BAIAP2L1: variants seen among roughly 807,000 people sequenced by gnomAD.
BAIAP2L1 encodes BAR/IMD domain containing adaptor protein 2 like 1.
Under a neutral mutation model 66.3 loss-of-function variants are expected in BAIAP2L1, and 35 were observed. That is an observed-to-expected ratio of 0.53 (90% CI 0.40 to 0.70). The LOEUF (loss-of-function observed/expected upper bound fraction) is 0.70. Among genes scored for constraint, BAIAP2L1 ranks in the 30% least tolerant of loss-of-function variants. BAIAP2L1 has a pLI of 0.00. For missense variants in BAIAP2L1, 622 were observed against 656.9 expected, an observed-to-expected ratio of 0.95 and a Z score of 0.58; for synonymous variants, 269 against 248.7, an observed-to-expected ratio of 1.08 and a Z score of -0.77.
chr7:98,375,534 G>A lies in BAIAP2L1; in HGVS notation c.52-13102C>T, dbSNP rs1385634928. On this transcript the variant is annotated intron_variant, in intron 1 of 13. Transcript: ENST00000005260. ...GGAGGCCGAGGCTGGCAGATCACCT[G>A]AGGTAAGGAGTTCGAGACCAGCCTG... 3.3e-5 allele frequency among the ~76,000 whole-genome samples: 5 copies of A among 152,108 alleles called. No individual in the cohort carries two copies. In the East Asian group the frequency reaches 9.7e-4, roughly 29 times the overall value.
chr7:98,303,634 G>A (rs776189731), intron 12 of BAIAP2L1, among the ~76,000 whole-genome samples: 2 of 152,172 alleles, frequency 1.3e-5, no homozygotes, highest in Non-Finnish European at 2.9e-5. Flanking sequence ...GCCTCTGTGC[G>A]GTGGCGGGAA....
chr7:98,380,736 GT>G (rs11293027), intron 1 of BAIAP2L1, among the ~76,000 whole-genome samples: 60,222 of 115,048 alleles, frequency 0.52, 15,944 homozygotes, highest in Middle Eastern at 0.7. Flanking sequence ...TATCCGGTCC[GT>G]TTTTTTTTTT....
chr7:98,372,262 T>C (rs902345042), intron 1 of BAIAP2L1, among the ~76,000 whole-genome samples: 1 of 151,924 alleles, frequency 6.6e-6, no homozygotes. Flanking sequence ...AAAAATTAGC[T>C]GGGCATGGGG....
rs916300817 is a variant in BAIAP2L1, at chr7:98,292,527, G to T, written c.*994C>A. 31 of 1,055,152 alleles carry T rather than the reference G, an allele frequency of 2.9e-5. No homozygotes were observed. The highest frequency in any genetic ancestry group is 4.1e-5 in the Non-Finnish European group (29 of 709,580). 65.4% of individuals were successfully genotyped at this position (1,055,152 alleles called of 1,614,324 possible). On this transcript the variant is annotated 3_prime_UTR_variant, in exon 14 of 14. Transcript: ENST00000005260. ...GTCCAGATCCTTGGCAGCCAAAGAT[G>T]ATTTCCAGCCCCGGGCTCAGGGCAG... is the stretch of plus-strand genomic sequence containing the variant.
At chr7:98,364,592 C>A (rs1230282545) in intron 1 of BAIAP2L1, among the ~76,000 whole-genome samples, 1 of 152,140 alleles carries the variant, frequency 6.6e-6, no homozygotes, top group East Asian at 1.9e-4. Context: ...AGAGGTAAAT[C>A]TGAGTCCCCG....
intron 3 of BAIAP2L1, among the ~76,000 whole-genome samples, chr7:98,345,082 T>C (rs528495359): frequency 6.6e-6 from 1 of 152,226 alleles, no homozygotes; most frequent in Non-Finnish European, 1.5e-5. Flanking sequence ...GGAGGGCTGC[T>C]TGAGCCCAGG....
chr7:98,292,861 A>C lies in BAIAP2L1; in HGVS notation c.*660T>G, dbSNP rs999282897. On this transcript the variant is annotated 3_prime_UTR_variant, in exon 14 of 14. Transcript: ENST00000005260. ...CGTTGGCGACTCCTAACTACCAAGA[A>C]AAGGAGCTCTCGGAGGAGATTTCGT... The C allele has an allele frequency of 3.4e-6, 5 of 1,451,494 alleles. No individual in the cohort carries two copies. Among genetic ancestry groups the C allele is most frequent in the Non-Finnish European group, 4.5e-6 (5 of 1,101,900 alleles). The allele number at this position is 1,451,494 out of a possible 1,614,324, so 89.9% of individuals were successfully genotyped here. A position where few individuals can be genotyped will look rare whatever the true frequency, so the allele number is the denominator to read the frequency against.
intron 1 of BAIAP2L1, among the ~76,000 whole-genome samples, chr7:98,378,262 G>C (rs1159287824): frequency 1.3e-5 from 2 of 152,054 alleles, no homozygotes; most frequent in Non-Finnish European, 2.9e-5. Flanking sequence ...GGAGAGAAAT[G>C]ATGAAAGGTA....
rs181047690 is a variant in BAIAP2L1, at chr7:98,364,817, C to T, written c.52-2385G>A. On this transcript the variant is annotated intron_variant, in intron 1 of 13. Transcript: ENST00000005260. ...CTGGACAACATATCGAGACTCCCAT[C>T]GCTACAAAAAATAAAAACAATTAGC... Among the ~76,000 whole-genome samples the T allele has an allele frequency of 4.0e-5, 6 of 150,748 alleles. No individual in the cohort carries two copies. The East Asian group carries it at 1.2e-3, about 29-fold the overall frequency.
intron 1 of BAIAP2L1, among the ~76,000 whole-genome samples, chr7:98,376,794 C>G (rs1269911978): frequency 6.6e-6 from 1 of 151,956 alleles, no homozygotes; most frequent in East Asian, 1.9e-4. Flanking sequence ...ATTATGCCAT[C>G]GCACTCCAGC....
chr7:98,322,339 C>T (rs1265483650), intron 3 of BAIAP2L1, among the ~76,000 whole-genome samples: 3 of 152,184 alleles, frequency 2.0e-5, no homozygotes, highest in African/African-American at 4.8e-5. Context: ...TTGCTGAACA[C>T]GACCACGCAG....
intron 12 of BAIAP2L1, among the ~76,000 whole-genome samples, chr7:98,299,533 T>C (rs766801189): frequency 2.6e-5 from 4 of 151,926 alleles, no homozygotes; most frequent in Non-Finnish European, 5.9e-5. Context: ...TATTTTTATA[T>C]ATAGAGAGAG....
chr7:98,341,547 C>T (rs1369611221), intron 3 of BAIAP2L1, among the ~76,000 whole-genome samples: 1 of 152,054 alleles, frequency 6.6e-6, no homozygotes, highest in African/African-American at 2.4e-5. Context: ...TTTAAAAAAG[C>T]ACATCTTTTG....
At chr7:98,350,401 T>TA (rs1801974858) in intron 3 of BAIAP2L1, among the ~76,000 whole-genome samples, 1 of 151,266 alleles carries the variant, frequency 6.6e-6, no homozygotes, top group African/African-American at 2.4e-5. Flanking sequence ...CTCATGCCTG[T>TA]AATCCCAGCA....
chr7:98,326,394 T>C (rs1210864243), intron 3 of BAIAP2L1, among the ~76,000 whole-genome samples: 12 of 152,196 alleles, frequency 7.9e-5, no homozygotes, highest in Admixed American at 7.9e-4. Context: ...CTGACTTAAA[T>C]AACAACGGCA....
At chr7:98,333,540 A>G (rs938504945) in intron 3 of BAIAP2L1, among the ~76,000 whole-genome samples, 1 of 152,124 alleles carries the variant, frequency 6.6e-6, no homozygotes, top group Admixed American at 6.6e-5. Flanking sequence ...TGGAGGTTAC[A>G]GTGAGCTGAG....
intron 1 of BAIAP2L1, chr7:98,386,376 C>G: frequency 6.3e-7 from 1 of 1,594,438 alleles, no homozygotes; most frequent in Non-Finnish European, 8.5e-7. Context: ...ATCAGCAAGA[C>G]TCACTTCAAA....
At chr7:98,297,383 C>T (rs1018806595) in intron 12 of BAIAP2L1, among the ~76,000 whole-genome samples, 6 of 152,172 alleles carry the variant, frequency 3.9e-5, no homozygotes, top group Admixed American at 6.5e-5. Context: ...CTCGGAGCAC[C>T]GAGCACCACT....
chr7:98,304,885 G>A (rs548998450), intron 11 of BAIAP2L1, among the ~76,000 whole-genome samples: 1 of 138,054 alleles, frequency 7.2e-6, no homozygotes, highest in South Asian at 2.3e-4. Flanking sequence ...TTTTTTTTGA[G>A]ATGGGGTTTC....
Sources: allele counts gnomAD v4.1 joint callset (sites outside exome capture counted in the v4.1 genomes callset), GRCh38; gene constraint gnomAD v4.1.1; transcripts MANE v1.5; gene names NCBI Gene and HGNC (gene_info 2026-07-23, HGNC 2026-07-21).